Variants in CRACD observed in about 807,000 individuals in gnomAD.
The protein encoded by CRACD is capping protein inhibiting regulator of actin dynamics.
CRACD carries 56 observed loss-of-function variants against 106.8 expected under a neutral mutation model. The ratio of observed to expected loss-of-function variants is 0.52; its 90% CI spans 0.42 to 0.66. CRACD has a LOEUF of 0.66. Among genes scored for constraint, CRACD ranks in the 30% least tolerant of loss-of-function variants. The probability of loss-of-function intolerance (pLI) is 0.00; values close to 1 mark genes in which losing one functional copy is unlikely to be tolerated. For missense variants in CRACD, 1,730 were observed against 1,623.2 expected, an observed-to-expected ratio of 1.07 and a Z score of -1.13; for synonymous variants, 754 against 670.8, an observed-to-expected ratio of 1.12 and a Z score of -1.92.
intron 8 of CRACD, among the ~76,000 whole-genome samples, chr4:56,322,577 T>C (rs1247839933): frequency 1.3e-5 from 2 of 152,180 alleles, no homozygotes; most frequent in Non-Finnish European, 2.9e-5. Flanking sequence ...ATTAAATGAG[T>C]GCAGTGGACC....
At chr4:56,077,943 A>G (rs6554328) in intron 1 of CRACD, among the ~76,000 whole-genome samples, 60,405 of 152,012 alleles carry the variant, frequency 0.4, 13,604 homozygotes, top group African/African-American at 0.62. Flanking sequence ...TTTGAAAGGA[A>G]TGCAGGAATT....
At chr4:56,183,214 C>T (rs1475669915) in intron 2 of CRACD, among the ~76,000 whole-genome samples, 2 of 92,258 alleles carry the variant, frequency 2.2e-5, no homozygotes, top group East Asian at 4.5e-4. Context: ...GCCTGGGCTA[C>T]AAGAGTGAAA....
Position 56,315,947 on chromosome 4 carries a change from G to A in CRACD, c.2445G>A (p.Glu815=). The part of the protein sequence containing the change: ...YPPQKVVAHT[E]FTTSSDSETA... ...CGCAGAAAGTGGTGGCCCACACAGA[G>A]TTCACGACCTCGTCGGACAGCGAGA... Residue 815 remains glutamate, a synonymous_variant, in exon 8 of 11, where the codon GAG becomes GAA. Coordinates refer to ENST00000682029, the MANE Select transcript of CRACD (RefSeq NM_001393381.1). The surrounding 1 kb of genome is among the most constrained non-coding windows in gnomAD (Gnocchi z 4.1). 6.2e-7 allele frequency: 1 copy of A among 1,614,204 alleles called. No individual in the cohort carries two copies. The highest frequency in any genetic ancestry group is 8.5e-7 in the Non-Finnish European group (1 of 1,180,034).
At chr4:56,196,595 A>G (rs914598450) in intron 2 of CRACD, among the ~76,000 whole-genome samples, 1 of 152,228 alleles carries the variant, frequency 6.6e-6, no homozygotes, top group Non-Finnish European at 1.5e-5. Context: ...CAAAAGCAAC[A>G]GCTAAAGCAG....
intron 3 of CRACD, among the ~76,000 whole-genome samples, chr4:56,275,745 A>G (rs1263536673): frequency 6.6e-6 from 1 of 152,232 alleles, no homozygotes; most frequent in Non-Finnish European, 1.5e-5. Flanking sequence ...TCCAAAATGG[A>G]CAGTTCTCAC....
intron 1 of CRACD, among the ~76,000 whole-genome samples, chr4:56,168,039 A>G (rs1736215143): frequency 6.6e-6 from 1 of 152,172 alleles, no homozygotes; most frequent in South Asian, 2.1e-4. Flanking sequence ...CTTCCTTTCC[A>G]ATCTGTATCA....
intron 1 of CRACD, among the ~76,000 whole-genome samples, chr4:56,160,119 A>G (rs976053404): frequency 1.3e-5 from 2 of 151,662 alleles, no homozygotes; most frequent in Non-Finnish European, 2.9e-5. Flanking sequence ...CTAAAACTTA[A>G]TGCATATTTG....
chr4:56,305,225 A>G (rs1294328254), intron 4 of CRACD, among the ~76,000 whole-genome samples: 1 of 152,178 alleles, frequency 6.6e-6, no homozygotes, highest in East Asian at 1.9e-4. Flanking sequence ...TGTCTCAGAA[A>G]AAAAGGAATT....
In CRACD at chr4:56,222,380, ACT is replaced by A. The variant is rs373536696; in HGVS notation, c.-189+42953_-189+42954del. On this transcript the variant is annotated intron_variant, in intron 2 of 10. Transcript: ENST00000682029. ...CAGAGTGGTATAATGCACTTTGGAG[ACT>A]CTGAAGTGGGGAGAGTGGGAGGGAA... Among the ~76,000 whole-genome samples the A allele has an allele frequency of 1.7e-3, 265 of 152,204 alleles. 1 individual carries two copies. Among genetic ancestry groups the A allele is most frequent in the South Asian group, 4.4e-3 (21 of 4,816 alleles).
chr4:56,251,417 G>A (rs1219478549), intron 2 of CRACD, among the ~76,000 whole-genome samples: 2 of 152,302 alleles, frequency 1.3e-5, no homozygotes, highest in Middle Eastern at 3.4e-3. Context: ...CAGCAGAGAC[G>A]TGTCTGGTGT....
intron 5 of CRACD, among the ~76,000 whole-genome samples, chr4:56,310,315 G>A (rs1258281484): frequency 6.6e-6 from 1 of 152,148 alleles, no homozygotes; most frequent in Non-Finnish European, 1.5e-5. Flanking sequence ...AAGCATTGAG[G>A]TTGGAGGCCA....
intron 1 of CRACD, among the ~76,000 whole-genome samples, chr4:56,153,906 G>A (rs1735675412): frequency 6.6e-6 from 1 of 152,172 alleles, no homozygotes; most frequent in African/African-American, 2.4e-5. Flanking sequence ...AATTATGCAA[G>A]TTACATTTAT....
At chr4:56,084,275 T>C (rs1206204543) in intron 1 of CRACD, among the ~76,000 whole-genome samples, 1 of 152,198 alleles carries the variant, frequency 6.6e-6, no homozygotes, top group Non-Finnish European at 1.5e-5. Flanking sequence ...ATTATTTCAC[T>C]CTTTCCTTTT....
chr4:56,162,637 C>T (rs998332802), intron 1 of CRACD, among the ~76,000 whole-genome samples: 2 of 152,200 alleles, frequency 1.3e-5, no homozygotes, highest in Non-Finnish European at 2.9e-5. Context: ...TTGGAGCCCA[C>T]CTGGTACAAC....
Position 56,270,118 on chromosome 4 carries a change from G to A in CRACD, c.-188-2203G>A, listed in dbSNP as rs146206424. Among the ~76,000 whole-genome samples the A allele has an allele frequency of 1.9e-3, 296 of 152,210 alleles. 1 individual carries two copies. The highest frequency in any genetic ancestry group is 1.8e-3 in the Non-Finnish European group (120 of 67,996). ...CCTGTACTAATGTTCCCAGATGATTGTCTTTTTGTAATTGGTTATTATTCT... is the reference window on the plus strand; with the variant it reads ...CCTGTACTAATGTTCCCAGATGATTATCTTTTTGTAATTGGTTATTATTCT... On this transcript the variant is annotated intron_variant, in intron 2 of 10. Coordinates refer to ENST00000682029, the MANE Select transcript of CRACD (RefSeq NM_001393381.1).
At chr4:56,296,195 G>T (rs1744019339) in intron 3 of CRACD, among the ~76,000 whole-genome samples, 1 of 152,108 alleles carries the variant, frequency 6.6e-6, no homozygotes, top group African/African-American at 2.4e-5. Context: ...ATTCTCAGCA[G>T]ATCTGAGTTC....
At chr4:56,067,595 CTATT>C (rs1349038978) in intron 1 of CRACD, among the ~76,000 whole-genome samples, 1 of 151,594 alleles carries the variant, frequency 6.6e-6, no homozygotes, top group Non-Finnish European at 1.5e-5. Context: ...TTTTATTTAT[CTATT>C]TATTTTTGCT....
intron 1 of CRACD, among the ~76,000 whole-genome samples, chr4:56,156,989 A>G (rs1426186244): frequency 6.6e-6 from 1 of 152,240 alleles, no homozygotes; most frequent in African/African-American, 2.4e-5. Context: ...CCTGGAAATA[A>G]TGGGCACTTA....
intron 1 of CRACD, among the ~76,000 whole-genome samples, chr4:56,104,283 G>C (rs1393475022): frequency 6.6e-6 from 1 of 152,004 alleles, no homozygotes; most frequent in African/African-American, 2.4e-5. Context: ...AGTCCCAGCT[G>C]TTTGGTGGGT....
Sources: allele counts gnomAD v4.1 joint callset (sites outside exome capture counted in the v4.1 genomes callset), GRCh38; gene constraint gnomAD v4.1.1; non-coding constraint Gnocchi (gnomAD v3.1); transcripts MANE v1.5; gene names NCBI Gene and HGNC (gene_info 2026-07-23, HGNC 2026-07-21).